Variants in TNN observed in about 807,000 individuals in gnomAD.
TNN encodes tenascin-N.
A neutral mutation model predicts 134.4 loss-of-function variants in TNN; 122 were observed. The ratio of observed to expected loss-of-function variants is 0.91; its 90% confidence interval spans 0.78 to 1.06. TNN has a LOEUF of 1.06. TNN is among the 50% of genes least tolerant of loss of function. TNN has a pLI of 0.00. For missense variants in TNN, 1,739 were observed against 1,699.4 expected, an observed-to-expected ratio of 1.02 and a Z score of -0.41; for synonymous variants, 710 against 670.3, an observed-to-expected ratio of 1.06 and a Z score of -0.91.
intron 17 of TNN, 32 bp from the exon 18 acceptor site, chr1:175,144,355 G>C (rs1001078165): frequency 3.7e-6 from 6 of 1,605,364 alleles, no homozygotes; most frequent in Non-Finnish European, 5.1e-6. Flanking sequence ...GGCTAACCCT[G>C]GGCTCTCGCC....
rs201306159 is a variant in TNN at position 175,080,284 on chromosome 1, C to T, written c.906C>T (p.Leu302=). 26 of 1,614,132 alleles carry T rather than the reference C, an allele frequency of 1.6e-5. No homozygotes were observed. The highest frequency in any genetic ancestry group is 2.1e-5 in the Non-Finnish European group (25 of 1,180,016). The change falls in exon 4 of 19, where the codon CTC becomes CTT. Residue 302 remains leucine, a synonymous_variant. Coordinates refer to ENST00000239462, the MANE Select transcript of TNN (RefSeq NM_022093.2). ...LLSYYPLGKE[L]SGKQIQVPKE... ...GCTACTACCCCCTGGGGAAGGAGCT[C>T]TCTGGGAAGCAGATCCAAGTGCCCA...
chr1:175,096,430 C>A (rs778844017), intron 7 of TNN, among the ~76,000 whole-genome samples: 8 of 152,158 alleles, frequency 5.3e-5, no homozygotes, highest in Non-Finnish European at 1.2e-4. Context: ...CTGAACTTTG[C>A]TCCCTAGGGT....
chr1:175,099,727 G>A (rs766446021), intron 9 of TNN, among the ~76,000 whole-genome samples: 29 of 152,112 alleles, frequency 1.9e-4, no homozygotes, highest in Admixed American at 2.0e-4. Context: ...GCTGGGGGTC[G>A]TGGAAAGTCA....
At position 175,098,298 on chromosome 1, in the gene TNN, A is replaced by G. The variant is rs559756675; in HGVS notation, c.1856-34A>G. On this transcript the variant is annotated intron_variant, in intron 8 of 18. Transcript: ENST00000239462. The stretch of plus-strand genomic sequence containing the variant: ...GTAAGGATATGTCTTCCATGGCTTC[A>G]GAGCTTAAACCTTTCCAAACATTTT... 6.3e-5 allele frequency: 102 copies of G among 1,613,908 alleles called. No homozygotes were observed. In the South Asian group the frequency reaches 1.1e-3, roughly 18 times the overall value.
intron 6 of TNN, among the ~76,000 whole-genome samples, chr1:175,092,002 G>T (rs1558353710): frequency 6.6e-6 from 1 of 152,222 alleles, no homozygotes; most frequent in African/African-American, 2.4e-5. Flanking sequence ...GGGAGATGGG[G>T]TGGGAGGCAC....
At position 175,136,828 on chromosome 1, in the gene TNN, C is replaced by A. The variant is rs779231801; in HGVS notation, c.3435C>A (p.Asp1145Glu). Residue 1145 changes from aspartate (D) to glutamate (E), a missense_variant, in exon 17 of 19, where the codon GAC (aspartate) becomes GAA (glutamate). Physicochemically the swap from Asp to Glu is conservative, Grantham distance 45 (BLOSUM62 2). Transcript: ENST00000239462. Reference sequence around the variant, plus strand: ...TCCGTTTTTTATTTTTAGGACTTGACAAGCTACACAACCTCACCACCGGCA... The same window carrying A: ...TCCGTTTTTTATTTTTAGGACTTGAAAAGCTACACAACCTCACCACCGGCA... ...DPMKEFWLGL[D>E]KLHNLTTGTP... 6.2e-7 allele frequency: 1 copy of A among 1,612,918 alleles called. No homozygotes were observed. Among genetic ancestry groups the A allele is most frequent in the East Asian group, 2.2e-5 (1 of 44,858 alleles).
chr1:175,072,862 A>G (rs1673947923), intron 1 of TNN, among the ~76,000 whole-genome samples: 1 of 151,986 alleles, frequency 6.6e-6, no homozygotes, highest in Non-Finnish European at 1.5e-5. Flanking sequence ...CCAGGCTACA[A>G]AAACAAATGC....
chr1:175,115,196 A>G (rs572369876), intron 9 of TNN, among the ~76,000 whole-genome samples: 33 of 152,212 alleles, frequency 2.2e-4, no homozygotes, highest in African/African-American at 7.9e-4. Flanking sequence ...AGCTTGGTTG[A>G]GGCACTGATT....
intron 9 of TNN, among the ~76,000 whole-genome samples, chr1:175,112,393 C>A (rs1398992884): frequency 6.6e-6 from 1 of 151,790 alleles, no homozygotes; most frequent in Non-Finnish European, 1.5e-5. Flanking sequence ...ACCTCCTTTG[C>A]CTCTTTTTAT....
rs778801178 is a variant in TNN, at chr1:175,085,374, C to T, written c.1235-31C>T. 48 of 1,465,926 alleles carry T rather than the reference C, an allele frequency of 3.3e-5. No homozygotes were observed. In the East Asian group the frequency reaches 8.0e-4, roughly 24 times the overall value. 90.8% of individuals were successfully genotyped at this position (1,465,926 alleles called of 1,614,324 possible). A position where few individuals can be genotyped will look rare whatever the true frequency, so the allele number is the denominator to read the frequency against. ...TGGGGAGAGGGGTCTGGAGCCTGCA[C>T]TCACATCCTGCGCTGCCTGCTTGTT... On this transcript the variant is annotated intron_variant, in intron 5 of 18. Transcript: ENST00000239462.
At chr1:175,099,160 G>A (rs1324982616) in intron 9 of TNN, among the ~76,000 whole-genome samples, 2 of 151,998 alleles carry the variant, frequency 1.3e-5, no homozygotes, top group Admixed American at 6.5e-5. Context: ...CCTCTCTCTC[G>A]ACTTGGGCCA....
At chr1:175,076,516 C>T (rs940457607) in intron 1 of TNN, among the ~76,000 whole-genome samples, 1 of 152,232 alleles carries the variant, frequency 6.6e-6, no homozygotes, top group African/African-American at 2.4e-5. Flanking sequence ...TCTCTGAATG[C>T]TTAGCAGAAG....
intron 1 of TNN, among the ~76,000 whole-genome samples, chr1:175,070,080 C>T (rs886388690): frequency 1.8e-4 from 28 of 152,048 alleles, no homozygotes; most frequent in African/African-American, 6.3e-4. Flanking sequence ...ATTTAGGTCC[C>T]GTGTCTATTT....
intron 5 of TNN, 67 bp downstream of exon 5, chr1:175,084,002 G>T: frequency 9.3e-6 from 14 of 1,497,818 alleles, no homozygotes; most frequent in Non-Finnish European, 1.3e-5. Context: ...TGTGTGCAGA[G>T]GGCACTGGCA....
At chr1:175,138,102 T>C (rs180768604) in intron 17 of TNN, among the ~76,000 whole-genome samples, 154 of 152,296 alleles carry the variant, frequency 1.0e-3, no homozygotes, top group African/African-American at 3.6e-3. Context: ...GGAGTTTATC[T>C]CACAGCCTTG....
intron 9 of TNN, among the ~76,000 whole-genome samples, chr1:175,111,523 T>C (rs1041857132): frequency 4.0e-5 from 6 of 151,310 alleles, no homozygotes; most frequent in Non-Finnish European, 8.8e-5. Flanking sequence ...AAAAGAATTG[T>C]TTTTCTAAAG....
At chr1:175,124,630 A>C (rs1675462542) in intron 12 of TNN, among the ~76,000 whole-genome samples, 1 of 152,140 alleles carries the variant, frequency 6.6e-6, no homozygotes, top group Non-Finnish European at 1.5e-5. Context: ...GCAGTGAGCC[A>C]AGATTGCGCC....
At position 175,079,369 on chromosome 1, in the gene TNN, C is replaced by A; in HGVS notation, c.446C>A (p.Ser149Tyr). The A allele has an allele frequency of 6.3e-7, 1 of 1,598,730 alleles. No individual in the cohort carries two copies. Among genetic ancestry groups the A allele is most frequent in the South Asian group, 1.1e-5 (1 of 90,306 alleles). Residue 149 changes from serine to tyrosine, a missense_variant, in exon 3 of 19, where the codon TCC becomes TAC. Transcript: ENST00000239462. ...CACTGCAGCGGCCACGGGACCTTCTCCCTGGAGACCTGCAGCTGCCACTGC... is the reference window on the plus strand; with the variant it reads ...CACTGCAGCGGCCACGGGACCTTCTACCTGGAGACCTGCAGCTGCCACTGC... ...SRHCSGHGTF[S>Y]LETCSCHCEE...
chr1:175,089,717 T>C lies in TNN; in HGVS notation c.1324+4223T>C, dbSNP rs534331871. ...TATAAAACAAAGCATGCTTGCTTTG[T>C]TATAATTTCACAAGCTCCCATGCAC... On this transcript the variant is annotated intron_variant, in intron 6 of 18. Transcript: ENST00000239462. Among the ~76,000 whole-genome samples, 4 of 152,350 alleles carry C rather than the reference T, an allele frequency of 2.6e-5. No individual in the cohort carries two copies. The East Asian group carries it at 7.7e-4, about 29-fold the overall frequency.
Sources: gnomAD v4.1 joint callset for allele counts (sites outside exome capture counted in the v4.1 genomes callset) on GRCh38, gnomAD v4.1.1 for gene constraint, MANE v1.5 for transcripts, NCBI Gene and HGNC (gene_info 2026-07-23, HGNC 2026-07-21) for gene names.